Variants in GRM7 observed in about 807,000 individuals in gnomAD.
GRM7 encodes the protein glutamate metabotropic receptor 7.
Under a neutral mutation model 84.5 loss-of-function variants are expected in GRM7, and 35 were observed. That is an observed-to-expected ratio of 0.41 (90% CI 0.32 to 0.55). The LOEUF (loss-of-function observed/expected upper bound fraction) is 0.55, where lower values mean the gene tolerates loss of function less well. Among genes scored for constraint, GRM7 ranks in the 20% least tolerant of loss-of-function variants. GRM7 has a pLI of 0.19. For synonymous variants in GRM7, 487 were observed against 455.1 expected (o/e 1.07, Z -0.89); for missense variants, 1,003 against 1,194.6 (o/e 0.84, Z 2.36).
chr3:7,173,906 A>G (rs1027264192), intron 2 of GRM7, among the ~76,000 whole-genome samples: 6 of 152,102 alleles, frequency 3.9e-5, no homozygotes, highest in Admixed American at 3.9e-4. Flanking sequence ...TTTGCTTTTG[A>G]TTATCTCTAT....
At chr3:6,913,272 A>G (rs1696833682) in intron 1 of GRM7, among the ~76,000 whole-genome samples, 1 of 152,182 alleles carries the variant, frequency 6.6e-6, no homozygotes. Context: ...ATGGGTAGCT[A>G]GATGATATCC....
chr3:7,031,798 T>G (rs1335788887), intron 1 of GRM7, among the ~76,000 whole-genome samples: 4 of 152,150 alleles, frequency 2.6e-5, no homozygotes, highest in Non-Finnish European at 5.9e-5. Flanking sequence ...GATTTGATTT[T>G]GTTCACTTTT....
intron 1 of GRM7, among the ~76,000 whole-genome samples, chr3:6,973,563 A>G (rs1693852162): frequency 6.6e-6 from 1 of 152,186 alleles, no homozygotes; most frequent in Non-Finnish European, 1.5e-5. Flanking sequence ...GAAACAAAGC[A>G]AGAGAAAGGA....
chr3:6,900,865 A>G (rs1283505171), intron 1 of GRM7, among the ~76,000 whole-genome samples: 2 of 152,184 alleles, frequency 1.3e-5, no homozygotes, highest in African/African-American at 4.8e-5. Flanking sequence ...TAGCCCTGCA[A>G]GCACCAGGCT....
intron 4 of GRM7, among the ~76,000 whole-genome samples, chr3:7,378,319 G>T (rs930105520): frequency 6.6e-6 from 1 of 152,168 alleles, no homozygotes; most frequent in Non-Finnish European, 1.5e-5. Context: ...GAAAAATAAA[G>T]AAACACTGAT....
intron 1 of GRM7, among the ~76,000 whole-genome samples, chr3:7,059,053 A>G (rs1425156499): frequency 6.6e-6 from 1 of 151,880 alleles, no homozygotes; most frequent in Non-Finnish European, 1.5e-5. Flanking sequence ...GCAGATATTT[A>G]AGAATGTTAG....
chr3:7,324,937 C>T (rs544243808), intron 4 of GRM7, among the ~76,000 whole-genome samples: 5 of 152,140 alleles, frequency 3.3e-5, no homozygotes, highest in Non-Finnish European at 5.9e-5. Context: ...ATATATCAGC[C>T]AGGTCCTGCA....
At chr3:7,603,039 C>T (rs1257460841) in intron 8 of GRM7, among the ~76,000 whole-genome samples, 3 of 152,090 alleles carry the variant, frequency 2.0e-5, no homozygotes, top group African/African-American at 7.2e-5. Flanking sequence ...AAATCACAGG[C>T]CTCTGATTTC....
In GRM7 at chr3:7,095,655, A is replaced by G. The variant is rs147418876; in HGVS notation, c.520-50797A>G. ...TATTGTTTTTTGGGTAAAATATTGTATGTTATCTTCATGGAATACAGAGAT... is the reference window on the plus strand; with the variant it reads ...TATTGTTTTTTGGGTAAAATATTGTGTGTTATCTTCATGGAATACAGAGAT... On this transcript the variant is annotated intron_variant, in intron 1 of 9. Coordinates refer to ENST00000357716, the MANE Select transcript of GRM7 (RefSeq NM_000844.4). Among the ~76,000 whole-genome samples the G allele has an allele frequency of 6.6e-5, 10 of 152,262 alleles. No individual in the cohort carries two copies. The East Asian group carries it at 1.9e-3, about 29-fold the overall frequency.
chr3:7,097,200 G>A (rs1234654193), intron 1 of GRM7, among the ~76,000 whole-genome samples: 1 of 152,032 alleles, frequency 6.6e-6, no homozygotes, highest in Non-Finnish European at 1.5e-5. Context: ...CAGATGGGGA[G>A]CCCTGTCCCT....
chr3:7,669,322 G>A (rs1342869407), intron 8 of GRM7, among the ~76,000 whole-genome samples: 1 of 152,208 alleles, frequency 6.6e-6, no homozygotes, highest in African/African-American at 2.4e-5. Context: ...AAGACAAGTA[G>A]GAGGTAGCTA....
Position 7,579,250 on chromosome 3 carries a change from G to C in GRM7, c.2344G>C (p.Glu782Gln). The part of the protein sequence containing the change: ...VYAIKTRGVP[E>Q]NFNEAKPIGF... ...TGCCATCAAGACTCGGGGTGTACCC[G>C]AGAATTTTAACGAAGCCAAGCCCAT... The change falls in exon 8 of 10, where the codon GAG becomes CAG. Residue 782 changes from glutamate to glutamine, a missense_variant. Glu to Gln is a conservative substitution (Grantham distance 29). Transcript: ENST00000357716. 4 of 1,613,716 alleles carry C rather than the reference G, an allele frequency of 2.5e-6. No individual in the cohort carries two copies. The highest frequency in any genetic ancestry group is 3.4e-6 in the Non-Finnish European group (4 of 1,179,636).
At chr3:7,511,744 C>T (rs1215423019) in intron 7 of GRM7, among the ~76,000 whole-genome samples, 1 of 152,126 alleles carries the variant, frequency 6.6e-6, no homozygotes, top group African/African-American at 2.4e-5. Flanking sequence ...GGCATTAGTG[C>T]TTGTCTAAAT....
chr3:6,934,798 G>A (rs1697631263), intron 1 of GRM7, among the ~76,000 whole-genome samples: 1 of 152,114 alleles, frequency 6.6e-6, no homozygotes, highest in Non-Finnish European at 1.5e-5. Flanking sequence ...TGGATTGGTA[G>A]GGGAATTTTG....
intron 1 of GRM7, among the ~76,000 whole-genome samples, chr3:7,078,502 A>G (rs1253035783): frequency 6.6e-6 from 1 of 152,176 alleles, no homozygotes; most frequent in Admixed American, 6.6e-5. Flanking sequence ...ATGTACTAGA[A>G]CTAGAATAAT....
chr3:7,225,153 T>G (rs920321410), intron 2 of GRM7, among the ~76,000 whole-genome samples: 2 of 152,010 alleles, frequency 1.3e-5, no homozygotes, highest in African/African-American at 4.8e-5. Context: ...ATCTCCTGAC[T>G]TTTAAAAATT....
intron 4 of GRM7, among the ~76,000 whole-genome samples, chr3:7,367,588 A>G (rs999631043): frequency 6.6e-6 from 1 of 151,932 alleles, no homozygotes; most frequent in African/African-American, 2.4e-5. Flanking sequence ...CTGTAGGAGA[A>G]TAAACATGGG....
chr3:7,705,107 C>G (rs1701344429), intron 9 of GRM7, among the ~76,000 whole-genome samples: 1 of 152,014 alleles, frequency 6.6e-6, no homozygotes, highest in African/African-American at 2.4e-5. Flanking sequence ...CTCATATACT[C>G]TACACATTTC....
In GRM7 at chr3:7,533,726, G is replaced by T. The variant is rs187810783; in HGVS notation, c.1516-44696G>T. On this transcript the variant is annotated intron_variant, in intron 7 of 9. Transcript: ENST00000357716. ...ATCTTCCTTGTTGAAATCAATAGGAGACTCAATGAAGTGAAAATGAAATCA... is the reference window on the plus strand; with the variant it reads ...ATCTTCCTTGTTGAAATCAATAGGATACTCAATGAAGTGAAAATGAAATCA... Among the ~76,000 whole-genome samples the T allele has an allele frequency of 2.1e-3, 314 of 152,278 alleles. 2 individuals carry two copies. Among genetic ancestry groups the T allele is most frequent in the African/African-American group, 7.1e-3 (295 of 41,556 alleles).
Sources: allele counts gnomAD v4.1 joint callset (sites outside exome capture counted in the v4.1 genomes callset), GRCh38; gene constraint gnomAD v4.1.1; transcripts MANE v1.5; gene names NCBI Gene and HGNC (gene_info 2026-07-23, HGNC 2026-07-21).